The following TTC29 variants were observed in gnomAD, a reference collection of about 807,000 sequenced individuals.
TTC29 encodes the protein tetratricopeptide repeat domain 29.
Under a neutral mutation model 58.1 loss-of-function variants are expected in TTC29, and 49 were observed. The ratio of observed to expected loss-of-function variants is 0.84; its 90% confidence interval spans 0.67 to 1.07. TTC29 has a LOEUF of 1.07. Among genes scored for constraint, TTC29 ranks in the 50% least tolerant of loss-of-function variants. The pLI, the probability that TTC29 is intolerant of heterozygous loss-of-function variation, is 0.00. For missense variants in TTC29, 582 were observed against 555.6 expected, an observed-to-expected ratio of 1.05 and a Z score of -0.48; for synonymous variants, 209 against 196.8, an observed-to-expected ratio of 1.06 and a Z score of -0.52.
At chr4:146,807,752 C>T (rs1561143953) in intron 10 of TTC29, among the ~76,000 whole-genome samples, 1 of 151,928 alleles carries the variant, frequency 6.6e-6, no homozygotes, top group East Asian at 1.9e-4. Flanking sequence ...AATTAATAGC[C>T]CACCAACCAA....
intron 11 of TTC29, among the ~76,000 whole-genome samples, chr4:146,753,115 A>T (rs201477704): frequency 2.0e-5 from 3 of 150,538 alleles, no homozygotes; most frequent in African/African-American, 2.4e-5. Context: ...TGAACAGGCA[A>T]CCTACAGAAT....
intron 2 of TTC29, among the ~76,000 whole-genome samples, chr4:146,944,814 A>T (rs779988043): frequency 4.6e-5 from 2 of 43,234 alleles, no homozygotes; most frequent in African/African-American, 3.2e-4. Context: ...CTCCCTAAGT[A>T]AAAAAAAAAA....
chr4:146,709,738 A>T (rs1579494920), intron 11 of TTC29, among the ~76,000 whole-genome samples: 1 of 152,070 alleles, frequency 6.6e-6, no homozygotes. Flanking sequence ...TATTTTTCTC[A>T]AACCTCCCAA....
At chr4:146,815,534 C>T (rs1751341139) in intron 10 of TTC29, among the ~76,000 whole-genome samples, 2 of 152,168 alleles carry the variant, frequency 1.3e-5, no homozygotes, top group Admixed American at 1.3e-4. Context: ...ATTGGAGATA[C>T]AAATCTGGAA....
At chr4:146,793,756 T>C (rs977827418) in intron 11 of TTC29, among the ~76,000 whole-genome samples, 2 of 152,168 alleles carry the variant, frequency 1.3e-5, no homozygotes, top group Non-Finnish European at 2.9e-5. Context: ...ATATTTGTAC[T>C]GAGAACTCTA....
chr4:146,856,327 A>G (rs1008109325), intron 8 of TTC29, among the ~76,000 whole-genome samples: 43 of 152,260 alleles, frequency 2.8e-4, no homozygotes, highest in Non-Finnish European at 2.4e-4. Flanking sequence ...TAAGTAAAAT[A>G]ATCATGAAGT....
Position 146,812,064 on chromosome 4 carries a change from A to C in TTC29, c.1101+8061T>G, listed in dbSNP as rs537773700. ...ATTAGAAAAAATAAAACTGTATCAA[A>C]GATATTTGTATGCCAATGAAGTAAA... On this transcript the variant is annotated intron_variant, in intron 10 of 12. Transcript: ENST00000325106. 1.5e-3 allele frequency among the ~76,000 whole-genome samples: 230 copies of C among 152,318 alleles called. 2 individuals carry two copies. Among genetic ancestry groups the C allele is most frequent in the African/African-American group, 4.1e-3 (170 of 41,586 alleles).
chr4:146,807,990 A>G (rs1433606680), intron 10 of TTC29, among the ~76,000 whole-genome samples: 1 of 152,230 alleles, frequency 6.6e-6, no homozygotes, highest in Non-Finnish European at 1.5e-5. Context: ...AAAATCCTCA[A>G]TAAAATACGG....
intron 11 of TTC29, among the ~76,000 whole-genome samples, chr4:146,788,242 G>A (rs192947368): frequency 9.1e-4 from 138 of 152,320 alleles, no homozygotes; most frequent in African/African-American, 3.2e-3. Flanking sequence ...AAGCTGAATT[G>A]ATGAGAGATG....
At chr4:146,858,294 A>G (rs1730000879) in intron 8 of TTC29, among the ~76,000 whole-genome samples, 1 of 152,200 alleles carries the variant, frequency 6.6e-6, no homozygotes, top group South Asian at 2.1e-4. Context: ...CATGTCTTCC[A>G]GCTCCAAGGC....
intron 8 of TTC29, among the ~76,000 whole-genome samples, chr4:146,848,741 G>GC (rs1729332491): frequency 6.6e-6 from 1 of 152,166 alleles, no homozygotes; most frequent in Non-Finnish European, 1.5e-5. Context: ...CAGTTGCCCT[G>GC]CTTCCTTAGC....
intron 11 of TTC29, among the ~76,000 whole-genome samples, chr4:146,713,338 G>T (rs1742666970): frequency 6.6e-6 from 1 of 151,308 alleles, no homozygotes; most frequent in African/African-American, 2.4e-5. Flanking sequence ...TGTCATTCAT[G>T]CATTCATGGC....
chr4:146,737,686 G>A (rs1014843495), intron 11 of TTC29, among the ~76,000 whole-genome samples: 1 of 151,722 alleles, frequency 6.6e-6, no homozygotes, highest in Non-Finnish European at 1.5e-5. Context: ...TGCTCAGGGT[G>A]CCATTGAAAA....
intron 4 of TTC29, among the ~76,000 whole-genome samples, chr4:146,917,193 G>T (rs1007882927): frequency 4.0e-5 from 6 of 150,578 alleles, no homozygotes; most frequent in African/African-American, 1.5e-4. Flanking sequence ...TGGATCAGAA[G>T]AATTTTTCAT....
At chr4:146,710,154 ATGT>A (rs1281627267) in intron 11 of TTC29, among the ~76,000 whole-genome samples, 3 of 152,176 alleles carry the variant, frequency 2.0e-5, no homozygotes, top group African/African-American at 4.8e-5. Context: ...TCATTAGGTG[ATGT>A]TGTTGTACAA....
At chr4:146,792,183 A>G (rs944825179) in intron 11 of TTC29, among the ~76,000 whole-genome samples, 2 of 152,198 alleles carry the variant, frequency 1.3e-5, no homozygotes, top group Non-Finnish European at 2.9e-5. Context: ...GATGCTATCT[A>G]GGGCTTCCAT....
At chr4:146,865,513 C>T (rs372830646) in intron 8 of TTC29, among the ~76,000 whole-genome samples, 13 of 152,044 alleles carry the variant, frequency 8.6e-5, no homozygotes, top group Admixed American at 2.6e-4. Context: ...GAACAATAGA[C>T]GACTAGAGGG....
chr4:146,920,570 C>T (rs1363338012), intron 4 of TTC29, among the ~76,000 whole-genome samples: 7 of 150,882 alleles, frequency 4.6e-5, no homozygotes, highest in Non-Finnish European at 1.0e-4. Context: ...ATGTGTATTT[C>T]TCTTACTATG....
At chr4:146,905,197 A>G (rs955911139) in intron 5 of TTC29, among the ~76,000 whole-genome samples, 2 of 152,084 alleles carry the variant, frequency 1.3e-5, no homozygotes, top group East Asian at 3.8e-4. Flanking sequence ...CTTCCTACAT[A>G]ATGTGAATAC....
Sources: allele counts gnomAD v4.1 joint callset (sites outside exome capture counted in the v4.1 genomes callset), GRCh38; gene constraint gnomAD v4.1.1; transcripts MANE v1.5; gene names NCBI Gene and HGNC (gene_info 2026-07-23, HGNC 2026-07-21).